Variants in CCDC7 observed in about 807,000 individuals in gnomAD.
CCDC7 encodes the protein coiled-coil domain containing 7, also known as coiled-coil domain-containing protein 7.
Under a neutral mutation model 196.9 loss-of-function variants are expected in CCDC7, and 183 were observed. That is an observed-to-expected ratio of 0.93 (90% CI 0.82 to 1.05). The LOEUF is 1.05. Ranked by LOEUF, CCDC7 falls within the 50% of genes least tolerant of loss-of-function variation. The pLI is 0.00. For missense variants in CCDC7, 1,540 were observed against 1,482.2 expected, an observed-to-expected ratio of 1.04 and a Z score of -0.64; for synonymous variants, 525 against 484.6, an observed-to-expected ratio of 1.08 and a Z score of -1.10.
At chr10:32,623,062 A>G (rs1006722605) in intron 18 of CCDC7, among the ~76,000 whole-genome samples, 1 of 152,040 alleles carries the variant, frequency 6.6e-6, no homozygotes, top group East Asian at 1.9e-4. Flanking sequence ...TTTTCTCATC[A>G]AGTTTTCAGC....
intron 9 of CCDC7, among the ~76,000 whole-genome samples, chr10:32,499,931 G>A (rs1364232719): frequency 6.6e-6 from 1 of 152,230 alleles, no homozygotes; most frequent in Non-Finnish European, 1.5e-5. Context: ...TAAGGTTATA[G>A]ATTAACAGCA....
chr10:32,730,101 GTATTAA>G (rs2083702145), intron 28 of CCDC7, among the ~76,000 whole-genome samples: 1 of 152,028 alleles, frequency 6.6e-6, no homozygotes, highest in Non-Finnish European at 1.5e-5. Flanking sequence ...CATCATCCAG[GTATTAA>G]GCCCAGCACC....
chr10:32,775,387 A>G (rs1181580532), intron 28 of CCDC7, among the ~76,000 whole-genome samples: 1 of 152,210 alleles, frequency 6.6e-6, no homozygotes, highest in East Asian at 1.9e-4. Context: ...TCTTAAGGAT[A>G]TAAAAATAGA....
rs1005620172 is a variant in CCDC7, at chr10:32,584,256, C to T, written c.1753C>T (p.Gln585Ter). The T allele has an allele frequency of 3.8e-6, 6 of 1,591,306 alleles. No homozygotes were observed. The highest frequency in any genetic ancestry group is 4.3e-6 in the Non-Finnish European group (5 of 1,167,466). ...GGCTGATGTTTCAGAAGAACAATTA[C>T]AAAAGATGACTGAAGAACAAACTTA... The change falls in exon 18 of 42, where the codon CAA becomes TAA. Residue 585 changes from glutamine to a stop codon, truncating the protein, a stop_gained. Transcript: ENST00000639629. LOFTEE classifies it high-confidence loss of function.
intron 21 of CCDC7, among the ~76,000 whole-genome samples, chr10:32,667,232 T>C (rs1259871631): frequency 6.6e-6 from 1 of 152,214 alleles, no homozygotes; most frequent in Non-Finnish European, 1.5e-5. Context: ...TTTTTTCTTG[T>C]AAATTTGTTT....
rs188146044 is a variant in CCDC7 at position 32,640,808 on chromosome 10, C to A, written c.2014+5650C>A. Among the ~76,000 whole-genome samples the A allele has an allele frequency of 2.1e-3, 294 of 143,150 alleles. 1 individual carries two copies. The highest frequency in any genetic ancestry group is 8.0e-3 in the Middle Eastern group (2 of 250). The allele number at this position is 143,150 out of a possible 152,430, so 93.9% of individuals were successfully genotyped here. On this transcript the variant is annotated intron_variant, in intron 20 of 41. Coordinates refer to ENST00000639629, the Ensembl canonical transcript of CCDC7. Reference sequence around the variant, plus strand: ...GATATGAAATTCTGGGTTGAAAATTCTTTTCTTTAAGAATGTTGAATATTG... The same window carrying A: ...GATATGAAATTCTGGGTTGAAAATTATTTTCTTTAAGAATGTTGAATATTG...
At chr10:32,448,370 G>A (rs868069224), upstream of CCDC7, among the ~76,000 whole-genome samples, 1 of 151,216 alleles carries the variant, frequency 6.6e-6, no homozygotes, top group Non-Finnish European at 1.5e-5. Context: ...TTTCCAGCGG[G>A]GTGTCATCTA....
chr10:32,703,383 C>T lies in CCDC7; in HGVS notation c.2459-8237C>T, dbSNP rs185449753. On this transcript the variant is annotated intron_variant, in intron 24 of 41. Coordinates refer to ENST00000639629, the Ensembl canonical transcript of CCDC7. ...CTTGTAGAGTTTCTGCCGAGAGATC[C>T]GCTATTAGTCTGATGGGCTTCCCTT... Among the ~76,000 whole-genome samples, 55 of 152,110 alleles carry T rather than the reference C, an allele frequency of 3.6e-4. 1 individual carries two copies. Among genetic ancestry groups the T allele is most frequent in the Non-Finnish European group, 6.2e-4 (42 of 67,978 alleles).
chr10:32,767,217 C>T (rs1345867490), intron 28 of CCDC7, among the ~76,000 whole-genome samples: 5 of 152,050 alleles, frequency 3.3e-5, no homozygotes, highest in African/African-American at 1.2e-4. Flanking sequence ...GGAGGGGACA[C>T]ATATGCACAC....
intron 8 of CCDC7, among the ~76,000 whole-genome samples, chr10:32,478,750 T>C (rs2039458394): frequency 6.6e-6 from 1 of 152,278 alleles, no homozygotes; most frequent in Middle Eastern, 3.4e-3. Flanking sequence ...TGAAAGATAT[T>C]CATCTGTAGT....
At chr10:32,457,491 T>C (rs1461804074) in intron 3 of CCDC7, among the ~76,000 whole-genome samples, 1 of 152,198 alleles carries the variant, frequency 6.6e-6, no homozygotes, top group African/African-American at 2.4e-5. Flanking sequence ...GCAATAAACA[T>C]GGAAGTACAG....
chr10:32,734,655 G>A (rs2084553797), intron 28 of CCDC7, among the ~76,000 whole-genome samples: 1 of 152,144 alleles, frequency 6.6e-6, no homozygotes, highest in Non-Finnish European at 1.5e-5. Context: ...AGCACTTTGG[G>A]AGGCTGAGGC....
intron 39 of CCDC7, among the ~76,000 whole-genome samples, chr10:32,851,281 T>C (rs1463025632): frequency 1.3e-5 from 2 of 152,186 alleles, no homozygotes; most frequent in African/African-American, 4.8e-5. Flanking sequence ...TTTATTTTCT[T>C]TTGTCTGTAG....
intron 24 of CCDC7, among the ~76,000 whole-genome samples, chr10:32,703,141 A>C (rs1028981353): frequency 1.3e-5 from 2 of 152,132 alleles, no homozygotes; most frequent in African/African-American, 2.4e-5. Flanking sequence ...ATGTTTTCGC[A>C]GTGGCTGGTA....
intron 8 of CCDC7, among the ~76,000 whole-genome samples, chr10:32,483,416 T>G (rs2040366263): frequency 6.6e-6 from 1 of 152,222 alleles, no homozygotes; most frequent in South Asian, 2.1e-4. Flanking sequence ...GATGAGTAGA[T>G]TGCAGAAATT....
chr10:32,743,684 G>A (rs866652448), intron 28 of CCDC7, among the ~76,000 whole-genome samples: 1 of 152,088 alleles, frequency 6.6e-6, no homozygotes, highest in Non-Finnish European at 1.5e-5. Context: ...AAAGACACAT[G>A]CACACGTATG....
intron 28 of CCDC7, among the ~76,000 whole-genome samples, chr10:32,769,475 T>C (rs1257809982): frequency 6.6e-6 from 1 of 150,868 alleles, no homozygotes; most frequent in African/African-American, 2.5e-5. Flanking sequence ...ATTGTATTAT[T>C]ATTATTATTT....
At chr10:32,681,421 G>T (rs929249920) in intron 21 of CCDC7, among the ~76,000 whole-genome samples, 2 of 152,230 alleles carry the variant, frequency 1.3e-5, no homozygotes, top group Admixed American at 6.5e-5. Flanking sequence ...GTCATTGTTT[G>T]TCACAATACA....
Position 32,487,279 on chromosome 10 carries a change from G to A in CCDC7, c.797-4643G>A, listed in dbSNP as rs540917263. Reference sequence around the variant, plus strand: ...ACCCTTTCTTCCAGTTGATCGAATCGGCTACTGAGGCTTGTGCATTCGTCA... The same window carrying A: ...ACCCTTTCTTCCAGTTGATCGAATCAGCTACTGAGGCTTGTGCATTCGTCA... On this transcript the variant is annotated intron_variant, in intron 8 of 41. Coordinates refer to ENST00000639629, the Ensembl canonical transcript of CCDC7. Among the ~76,000 whole-genome samples the A allele has an allele frequency of 7.9e-5, 12 of 151,990 alleles. No individual in the cohort carries two copies. The East Asian group carries it at 1.4e-3, about 17-fold the overall frequency.
Sources: allele counts gnomAD v4.1 joint callset (sites outside exome capture counted in the v4.1 genomes callset), GRCh38; gene constraint gnomAD v4.1.1; transcripts MANE v1.5; gene names NCBI Gene and HGNC (gene_info 2026-07-23, HGNC 2026-07-21).